MMP20: variants seen among roughly 807,000 people sequenced by gnomAD.
MMP20 encodes matrix metallopeptidase 20.
In MMP20, 50 loss-of-function variants were observed where a neutral mutation model predicts 51.8. The ratio of observed to expected loss-of-function variants is 0.97; its 90% confidence interval spans 0.77 to 1.22. MMP20 has a LOEUF of 1.22. Ranked by LOEUF, MMP20 falls within the 50% of genes most tolerant of loss-of-function variation. The pLI is 0.00. For synonymous variants in MMP20, 244 were observed against 216.2 expected, an observed-to-expected ratio of 1.13 and a Z score of -1.13; for missense variants, 663 against 601.4, an observed-to-expected ratio of 1.10 and a Z score of -1.07.
chr11:102,593,963 C>A (rs1859349256), intron 7 of MMP20, among the ~76,000 whole-genome samples: 2 of 152,202 alleles, frequency 1.3e-5, no homozygotes, highest in South Asian at 4.1e-4. Flanking sequence ...TTGGCACTTG[C>A]TTTCTAACCT....
rs1029090315 is a variant in MMP20 at position 102,577,327 on chromosome 11, T to C, written c.1451A>G (p.Ter484=). 1 of 1,608,280 alleles carries C rather than the reference T, an allele frequency of 6.2e-7. No individual in the cohort carries two copies. The highest frequency in any genetic ancestry group is 8.5e-7 in the Non-Finnish European group (1 of 1,174,694). ...VVKSSSWIGC[*] is the part of the protein sequence containing the mutation. ...CTTGAGAAGACTAGGCTTTTCTATT[T>C]AGCAACCAATCCAGGAACTAGATTT... Residue 484 remains the stop codon, a stop_retained_variant, in exon 10 of 10, where the codon TAA becomes TGA. Coordinates refer to ENST00000260228, the MANE Select transcript of MMP20 (RefSeq NM_004771.4).
intron 6 of MMP20, among the ~76,000 whole-genome samples, chr11:102,602,426 ATCC>A (rs1293193681): frequency 6.6e-6 from 1 of 152,170 alleles, no homozygotes; most frequent in Non-Finnish European, 1.5e-5. Context: ...GTCTATGAAC[ATCC>A]TCCTCTTTGT....
chr11:102,578,274 G>A (rs1859149972), intron 9 of MMP20, among the ~76,000 whole-genome samples: 2 of 151,782 alleles, frequency 1.3e-5, no homozygotes, highest in African/African-American at 4.8e-5. Flanking sequence ...ATCCGGAGTA[G>A]CTGGGACTAC....
intron 8 of MMP20, among the ~76,000 whole-genome samples, chr11:102,582,486 T>C (rs747086832): frequency 1.6e-4 from 24 of 152,170 alleles, no homozygotes; most frequent in Non-Finnish European, 3.1e-4. Context: ...ATTTTGAAGT[T>C]AATGATTTCA....
intron 7 of MMP20, among the ~76,000 whole-genome samples, chr11:102,594,223 C>T (rs2090194425): frequency 6.6e-6 from 1 of 152,226 alleles, no homozygotes. Context: ...CTCCTGGCTG[C>T]TTCTGACCAC....
intron 6 of MMP20, among the ~76,000 whole-genome samples, chr11:102,604,586 C>T (rs537047071): frequency 6.6e-6 from 1 of 152,268 alleles, no homozygotes; most frequent in African/African-American, 2.4e-5. Context: ...AGTAGGGCCA[C>T]CCACTGACTC....
At chr11:102,586,947 T>C (rs1859261750) in intron 8 of MMP20, among the ~76,000 whole-genome samples, 1 of 152,220 alleles carries the variant, frequency 6.6e-6, no homozygotes, top group African/African-American at 2.4e-5. Context: ...ATCTATTTTA[T>C]TTATTTCCAT....
At chr11:102,598,453 T>C (rs1055586005) in intron 6 of MMP20, among the ~76,000 whole-genome samples, 1 of 152,256 alleles carries the variant, frequency 6.6e-6, no homozygotes, top group Non-Finnish European at 1.5e-5. Flanking sequence ...TTTATCTTCA[T>C]GTACCCACTA....
chr11:102,617,195 CAT>C (rs1394488451), intron 1 of MMP20, 136 bp from the exon 2 acceptor site: 4 of 1,090,666 alleles, frequency 3.7e-6, no homozygotes, highest in East Asian at 5.1e-5. Context: ...AAAAAGTAGA[CAT>C]ATTTGTTTAC....
At chr11:102,593,665 C>G in intron 7 of MMP20, 70 bp from the exon 8 acceptor site, 1 of 1,538,760 alleles carries the variant, frequency 6.5e-7, no homozygotes, top group African/African-American at 1.4e-5. Context: ...ATAAAGATTT[C>G]TATGAAGGCT....
intron 8 of MMP20, among the ~76,000 whole-genome samples, 161 bp downstream of exon 8, chr11:102,593,278 C>A (rs1453471710): frequency 6.6e-6 from 1 of 152,180 alleles, no homozygotes; most frequent in Non-Finnish European, 1.5e-5. Flanking sequence ...GGTTCCATAT[C>A]TTGAAGACAG....
intron 8 of MMP20, among the ~76,000 whole-genome samples, chr11:102,591,000 G>A (rs184241511): frequency 6.6e-6 from 1 of 152,338 alleles, no homozygotes; most frequent in Non-Finnish European, 1.5e-5. Flanking sequence ...TTACACATAT[G>A]AGAAAAACAA....
At chr11:102,617,946 G>A (rs565645280) in intron 1 of MMP20, among the ~76,000 whole-genome samples, 2 of 152,076 alleles carry the variant, frequency 1.3e-5, no homozygotes. Context: ...CATGTCCATG[G>A]GGGAATTGGT....
chr11:102,583,219 A>C (rs530103239), intron 8 of MMP20, among the ~76,000 whole-genome samples: 1 of 152,316 alleles, frequency 6.6e-6, no homozygotes, highest in Non-Finnish European at 1.5e-5. Context: ...ATCCAGACCT[A>C]TGTTTTCTAC....
At chr11:102,615,206 G>A in intron 2 of MMP20, among the ~76,000 whole-genome samples, 2 of 137,794 alleles carry the variant, frequency 1.5e-5, no homozygotes, top group East Asian at 2.4e-4. Flanking sequence ...TTAATAAATA[G>A]TATTTTATTT....
At chr11:102,597,177 G>GC (rs1188127717) in intron 6 of MMP20, among the ~76,000 whole-genome samples, 1 of 152,146 alleles carries the variant, frequency 6.6e-6, no homozygotes, top group African/African-American at 2.4e-5. Context: ...TAGACTTCCA[G>GC]CTGCTTTCTC....
intron 3 of MMP20, among the ~76,000 whole-genome samples, chr11:102,610,473 T>C (rs565531708): frequency 2.0e-5 from 3 of 152,272 alleles, no homozygotes; most frequent in East Asian, 3.9e-4. Context: ...GAGACAGTGA[T>C]AGTGAATTGA....
chr11:102,615,097 T>C (rs906398357), intron 2 of MMP20, among the ~76,000 whole-genome samples: 9 of 147,620 alleles, frequency 6.1e-5, no homozygotes, highest in Admixed American at 4.1e-4. Flanking sequence ...TAATTTAATG[T>C]AATTTATTAA....
chr11:102,598,940 T>A (rs1336937082), intron 6 of MMP20, among the ~76,000 whole-genome samples: 1 of 152,148 alleles, frequency 6.6e-6, no homozygotes, highest in East Asian at 1.9e-4. Context: ...TCGTCTTTAG[T>A]CTCACACTCT....
Sources: gnomAD v4.1 joint callset for allele counts (sites outside exome capture counted in the v4.1 genomes callset) on GRCh38, gnomAD v4.1.1 for gene constraint, MANE v1.5 for transcripts, NCBI Gene and HGNC (gene_info 2026-07-23, HGNC 2026-07-21) for gene names.